RPS9: variants seen among roughly 807,000 people sequenced by gnomAD.
The protein encoded by RPS9 is small ribosomal subunit protein uS4.
A neutral mutation model predicts 16.9 loss-of-function variants in RPS9; 1 was observed. That is an observed-to-expected ratio of 0.06 (90% CI 0.02 to 0.28). The LOEUF is 0.28. RPS9 is among the 10% of genes least tolerant of loss of function. The probability of loss-of-function intolerance (pLI) is 1.00; values close to 1 mark genes in which losing one functional copy is unlikely to be tolerated. For synonymous variants in RPS9, 106 were observed against 110.9 expected (o/e 0.96, Z 0.28); for missense variants, 137 against 273.2 (o/e 0.50, Z 3.51).
chr19:54,200,933 G>T, intron 1 of RPS9, 45 bp downstream of exon 1: 4 of 1,339,170 alleles, frequency 3.0e-6, no homozygotes, highest in Non-Finnish European at 3.8e-6. Flanking sequence ...TGGGTTGGAT[G>T]GTGGCCCGGG....
chr19:54,203,627 G>C (rs932125117), intron 3 of RPS9, among the ~76,000 whole-genome samples: 2 of 152,106 alleles, frequency 1.3e-5, no homozygotes, highest in South Asian at 4.1e-4. Context: ...ACAAAAATTA[G>C]CCGAGCATGG....
At chr19:54,202,663 G>A (rs1313657992) in intron 3 of RPS9, 2 of 985,318 alleles carry the variant, frequency 2.0e-6, no homozygotes, top group African/African-American at 1.7e-5. Flanking sequence ...AGATTGGCAT[G>A]ACCAAGATTG....
intron 4 of RPS9, chr19:54,206,663 C>A: frequency 6.5e-7 from 1 of 1,546,696 alleles, no homozygotes; most frequent in South Asian, 1.2e-5. Flanking sequence ...GCGCAAGGGT[C>A]ACTGCGGCTC....
rs1306699046 is a variant in RPS9, at chr19:54,201,081, T to C, written c.-25-79T>C. ...TATTCTCGCGAGATCGGATCTGGGC[T>C]CCGCGAGGTTTTGGCGTAGTTGTGG... On this transcript the variant is annotated intron_variant, in intron 1 of 4. Coordinates refer to ENST00000302907, the MANE Select transcript of RPS9 (RefSeq NM_001013.4). 4 of 1,566,496 alleles carry C rather than the reference T, an allele frequency of 2.6e-6. No homozygotes were observed. The East Asian group carries it at 6.9e-5, about 27-fold the overall frequency.
chr19:54,201,936 T>G (rs2077069051), intron 3 of RPS9: 1 of 319,234 alleles, frequency 3.1e-6, no homozygotes. Context: ...GAGAGTAGAC[T>G]ATGAAGTGGA....
At chr19:54,204,815 T>G (rs1568897615) in intron 3 of RPS9, among the ~76,000 whole-genome samples, 1 of 147,516 alleles carries the variant, frequency 6.8e-6, no homozygotes, top group Non-Finnish European at 1.5e-5. Flanking sequence ...GGACATGTTT[T>G]TGTATTTTGA....
intron 3 of RPS9, chr19:54,202,871 T>C: frequency 3.0e-6 from 3 of 985,410 alleles, no homozygotes; most frequent in Non-Finnish European, 3.6e-6. Context: ...TAGAAGCTTT[T>C]TCTTTAAATA....
At chr19:54,204,477 C>T (rs1305777730) in intron 3 of RPS9, among the ~76,000 whole-genome samples, 2 of 152,202 alleles carry the variant, frequency 1.3e-5, no homozygotes, top group African/African-American at 2.4e-5. Flanking sequence ...GGTCGTGGCT[C>T]ACTGCAGCCT....
At chr19:54,201,772 A>G (rs2077062251) in intron 3 of RPS9, 163 bp downstream of exon 3, 3 of 1,420,624 alleles carry the variant, frequency 2.1e-6, no homozygotes, top group Non-Finnish European at 2.8e-6. Context: ...GTGTATCTGG[A>G]TCAGTCTTTG....
intron 2 of RPS9, 46 bp from the exon 3 acceptor site, chr19:54,201,441 T>A: frequency 6.2e-7 from 1 of 1,612,592 alleles, no homozygotes; most frequent in Admixed American, 1.7e-5. Context: ...CTAGTTGTTG[T>A]GCCAGTACGT....
intron 3 of RPS9, chr19:54,203,016 A>G: frequency 1.0e-6 from 1 of 984,702 alleles, no homozygotes; most frequent in South Asian, 4.7e-5. Flanking sequence ...CTTTTCGTCA[A>G]TTTGTAGACC....
intron 3 of RPS9, among the ~76,000 whole-genome samples, chr19:54,204,011 G>C (rs927477789): frequency 6.6e-6 from 1 of 152,174 alleles, no homozygotes; most frequent in African/African-American, 2.4e-5. Context: ...TTGTGCTGTT[G>C]AAAACTATTG....
rs142398924 is a variant in RPS9 at position 54,201,083 on chromosome 19, C to T, written c.-25-77C>T. Reference sequence around the variant, plus strand: ...TTCTCGCGAGATCGGATCTGGGCTCCGCGAGGTTTTGGCGTAGTTGTGGGA... The same window carrying T: ...TTCTCGCGAGATCGGATCTGGGCTCTGCGAGGTTTTGGCGTAGTTGTGGGA... On this transcript the variant is annotated intron_variant, in intron 1 of 4. Transcript: ENST00000302907. The T allele has an allele frequency of 2.3e-3, 3,641 of 1,564,900 alleles. 72 individuals are homozygous for T. In the African/African-American group the frequency reaches 0.039, roughly 17 times the overall value.
At chr19:54,201,974 A>T in intron 3 of RPS9, 1 of 247,814 alleles carries the variant, frequency 4.0e-6, no homozygotes, top group Non-Finnish European at 7.8e-6. Context: ...TGGTGATAAC[A>T]GGGTTTGCAC....
intron 3 of RPS9, among the ~76,000 whole-genome samples, chr19:54,203,861 G>T (rs2077149051): frequency 1.4e-5 from 2 of 141,060 alleles, no homozygotes; most frequent in Admixed American, 8.0e-5. Context: ...ATACCTAACT[G>T]CCTTGTATGA....
chr19:54,206,133 A>T, intron 3 of RPS9, 143 bp from the exon 4 acceptor site: 2 of 776,752 alleles, frequency 2.6e-6, no homozygotes, highest in Non-Finnish European at 4.1e-6. Flanking sequence ...TGGTTTTGAC[A>T]GTGACATGGG....
chr19:54,203,124 G>T, intron 3 of RPS9: 1 of 971,138 alleles, frequency 1.0e-6, no homozygotes, highest in Non-Finnish European at 1.2e-6. Flanking sequence ...GTGGGCTATA[G>T]CTGGTTCTGG....
At chr19:54,203,302 C>T in intron 3 of RPS9, 1 of 985,342 alleles carries the variant, frequency 1.0e-6, no homozygotes, top group South Asian at 4.7e-5. Context: ...GTAAATGAAG[C>T]CATCTAGCCT....
chr19:54,202,461 G>A lies in RPS9; in HGVS notation c.220+852G>A, dbSNP rs1325176307. 1.4e-5 allele frequency: 14 copies of A among 985,244 alleles called. No individual in the cohort carries two copies. In the South Asian group the frequency reaches 6.1e-4, roughly 43 times the overall value. The allele number at this position is 985,244 out of a possible 1,614,324, so 61.0% of individuals were successfully genotyped here. A position where few individuals can be genotyped will look rare whatever the true frequency, so the allele number is the denominator to read the frequency against. On this transcript the variant is annotated intron_variant, in intron 3 of 4. Coordinates refer to ENST00000302907, the MANE Select transcript of RPS9 (RefSeq NM_001013.4). ...TGGTATTTAGCAAAGGCCTGAACAG[G>A]AGAGAACCTGTAAAATGTCTCAGGG... is the stretch of plus-strand genomic sequence containing the variant.
Sources: gnomAD v4.1 joint callset for allele counts (sites outside exome capture counted in the v4.1 genomes callset) on GRCh38, gnomAD v4.1.1 for gene constraint, MANE v1.5 for transcripts, NCBI Gene and HGNC (gene_info 2026-07-23, HGNC 2026-07-21) for gene names.